DLGAP2: variants seen among roughly 807,000 people sequenced by gnomAD.
DLGAP2 encodes the protein DLG associated protein 2.
Under a neutral mutation model 100.3 loss-of-function variants are expected in DLGAP2, and 26 were observed. The ratio of observed to expected loss-of-function variants is 0.26; its 90% CI spans 0.19 to 0.36. The LOEUF is 0.36. Ranked by LOEUF, DLGAP2 falls within the 10% of genes least tolerant of loss-of-function variation. The pLI is 1.00. For synonymous variants in DLGAP2, 886 were observed against 630.1 expected (o/e 1.41, Z -6.08); for missense variants, 1,858 against 1,453.2 (o/e 1.28, Z -4.53).
At chr8:1,042,266 T>C (rs1034105837) in intron 2 of DLGAP2, among the ~76,000 whole-genome samples, 2 of 152,198 alleles carry the variant, frequency 1.3e-5, no homozygotes, top group Non-Finnish European at 2.9e-5. Flanking sequence ...GGCACAGCCT[T>C]GTTTTGGATT....
chr8:755,941 G>A (rs1226966155), intron 1 of DLGAP2, among the ~76,000 whole-genome samples: 1 of 152,216 alleles, frequency 6.6e-6, no homozygotes, highest in South Asian at 2.1e-4. Flanking sequence ...TGTGCCCACA[G>A]GTGGTCGGGG....
At chr8:1,080,394 C>T (rs868718789) in intron 2 of DLGAP2, among the ~76,000 whole-genome samples, 6 of 152,206 alleles carry the variant, frequency 3.9e-5, no homozygotes, top group African/African-American at 7.2e-5. Context: ...GTGTGCGTTA[C>T]GAAGGGATGC....
At chr8:1,156,595 G>A (rs10086551) in intron 2 of DLGAP2, among the ~76,000 whole-genome samples, 128,233 of 148,762 alleles carry the variant, frequency 0.86, 55,282 homozygotes, top group Admixed American at 0.88. Context: ...CCAGCCCAGC[G>A]CCCCAGCCTA....
chr8:1,215,793 A>G (rs1328912212), intron 2 of DLGAP2, among the ~76,000 whole-genome samples: 1 of 127,642 alleles, frequency 7.8e-6, no homozygotes, highest in Non-Finnish European at 1.6e-5. Flanking sequence ...ACGTCCAGGT[A>G]CCTATATGGG....
chr8:1,665,728 G>A (rs567784042), intron 8 of DLGAP2, among the ~76,000 whole-genome samples: 43 of 152,352 alleles, frequency 2.8e-4, no homozygotes, highest in African/African-American at 8.7e-4. Context: ...TCGCTCCAGC[G>A]CGCAGCGGAC....
chr8:764,109 G>C (rs1267177630), intron 1 of DLGAP2, among the ~76,000 whole-genome samples: 1 of 152,110 alleles, frequency 6.6e-6, no homozygotes, highest in Non-Finnish European at 1.5e-5. Context: ...GAGGTACTGA[G>C]TCATGCCTCT....
chr8:1,058,465 T>G (rs1231566785), intron 2 of DLGAP2, among the ~76,000 whole-genome samples: 1 of 152,214 alleles, frequency 6.6e-6, no homozygotes, highest in Admixed American at 6.5e-5. Context: ...TAAGGGTGGC[T>G]TCTAATACCT....
chr8:745,444 A>G (rs945712987), intron 1 of DLGAP2, among the ~76,000 whole-genome samples: 1 of 152,246 alleles, frequency 6.6e-6, no homozygotes, highest in African/African-American at 2.4e-5. Flanking sequence ...GTAGTTCTTT[A>G]AAGCAACCAA....
At chr8:914,072 ATACTTC>A (rs1232402649) in intron 2 of DLGAP2, among the ~76,000 whole-genome samples, 1 of 152,262 alleles carries the variant, frequency 6.6e-6, no homozygotes, top group Admixed American at 6.5e-5. Flanking sequence ...GAAAGATCAA[ATACTTC>A]AAGTAAATTT....
chr8:976,408 G>A (rs1301489278), intron 2 of DLGAP2, among the ~76,000 whole-genome samples: 2 of 152,008 alleles, frequency 1.3e-5, no homozygotes, highest in Non-Finnish European at 2.9e-5. Context: ...TCAGGAGATC[G>A]AGACCATCCT....
At chr8:1,078,098 T>G (rs757172678) in intron 2 of DLGAP2, among the ~76,000 whole-genome samples, 2 of 152,110 alleles carry the variant, frequency 1.3e-5, no homozygotes, top group Non-Finnish European at 2.9e-5. Flanking sequence ...TTTTCCTAAA[T>G]TTCGAGATGG....
chr8:1,220,427 T>A (rs1196848265), intron 2 of DLGAP2, among the ~76,000 whole-genome samples: 1 of 152,216 alleles, frequency 6.6e-6, no homozygotes, highest in African/African-American at 2.4e-5. Context: ...GCAATGTTCT[T>A]GGTGTTGATC....
At chr8:1,656,369 C>A (rs1184174366) in intron 8 of DLGAP2, among the ~76,000 whole-genome samples, 1 of 152,004 alleles carries the variant, frequency 6.6e-6, no homozygotes, top group Non-Finnish European at 1.5e-5. Context: ...TTGGTCAGGG[C>A]AGTCTAGAAA....
At chr8:800,296 A>G (rs756894857) in intron 1 of DLGAP2, among the ~76,000 whole-genome samples, 1 of 152,198 alleles carries the variant, frequency 6.6e-6, no homozygotes, top group Non-Finnish European at 1.5e-5. Flanking sequence ...TTCTTTAAAG[A>G]TTAGAGGGCA....
chr8:1,481,000 A>G (rs1210544444), intron 3 of DLGAP2, among the ~76,000 whole-genome samples: 18 of 151,960 alleles, frequency 1.2e-4, no homozygotes, highest in South Asian at 4.2e-4. Context: ...GTGAAACCCC[A>G]TCTCTACTAA....
intron 3 of DLGAP2, among the ~76,000 whole-genome samples, chr8:1,352,183 T>A (rs78769714): frequency 2.6e-3 from 82 of 31,640 alleles, no homozygotes; most frequent in Middle Eastern, 0.025. Context: ...TGTGTGTGGA[T>A]AGGCTGTGCG....
intron 3 of DLGAP2, among the ~76,000 whole-genome samples, chr8:1,496,290 C>T (rs1028589790): frequency 1.3e-5 from 2 of 152,100 alleles, no homozygotes; most frequent in Non-Finnish European, 2.9e-5. Flanking sequence ...TCGGTGGAAG[C>T]ATCACAGGGC....
chr8:918,359 A>G (rs1186655922), intron 2 of DLGAP2, among the ~76,000 whole-genome samples: 1 of 152,230 alleles, frequency 6.6e-6, no homozygotes, highest in Non-Finnish European at 1.5e-5. Flanking sequence ...AGCCATTCGT[A>G]GAATTAGGGT....
rs1799413058 is a variant in DLGAP2 at position 949,206 on chromosome 8, A to G, written c.73+41240A>G. On this transcript the variant is annotated intron_variant, in intron 2 of 14. Coordinates refer to ENST00000637795, the MANE Select transcript of DLGAP2 (RefSeq NM_001346810.2). ...CTGGAGTAGATGGGATCAGGGATGC[A>G]TCAAGGGTCCAGCCTGTGCTGTGGA... 1.3e-5 allele frequency among the ~76,000 whole-genome samples: 2 copies of G among 152,224 alleles called. 1 individual carries two copies. Among genetic ancestry groups the G allele is most frequent in the South Asian group, 4.1e-4 (2 of 4,834 alleles).
Sources: gnomAD v4.1 joint callset for allele counts (sites outside exome capture counted in the v4.1 genomes callset) on GRCh38, gnomAD v4.1.1 for gene constraint, MANE v1.5 for transcripts, NCBI Gene and HGNC (gene_info 2026-07-23, HGNC 2026-07-21) for gene names.